Variants in RIT2 observed in about 807,000 individuals in gnomAD.
RIT2 encodes Ras like without CAAX 2, also known as GTP-binding protein Rit2.
RIT2 carries 24 observed loss-of-function variants against 23.7 expected under a neutral mutation model. That is an observed-to-expected ratio of 1.01 (90% confidence interval 0.73 to 1.43). RIT2 has a LOEUF of 1.43. Ranked by LOEUF, RIT2 falls within the 40% of genes most tolerant of loss-of-function variation. The pLI is 0.00. For missense variants in RIT2, 236 were observed against 266.9 expected (o/e 0.88, Z 0.81); for synonymous variants, 107 against 91.1 (o/e 1.17, Z -0.99).
chr18:42,850,038 C>T (rs921857678), intron 4 of RIT2, among the ~76,000 whole-genome samples: 75 of 150,810 alleles, frequency 5.0e-4, no homozygotes, highest in Middle Eastern at 3.4e-3. Context: ...TTTAAATATA[C>T]TAGAAAGTAT....
chr18:42,805,491 A>G (rs1416477212), intron 4 of RIT2, among the ~76,000 whole-genome samples: 10 of 152,216 alleles, frequency 6.6e-5, no homozygotes, highest in Non-Finnish European at 1.5e-4. Context: ...AATAAGCTCT[A>G]ATGTAGAATC....
At chr18:42,884,699 A>C (rs1371520944) in intron 4 of RIT2, among the ~76,000 whole-genome samples, 1 of 152,216 alleles carries the variant, frequency 6.6e-6, no homozygotes, top group Non-Finnish European at 1.5e-5. Flanking sequence ...TCAGTTGAGC[A>C]AAATGCTACC....
intron 3 of RIT2, among the ~76,000 whole-genome samples, chr18:42,965,037 C>G (rs762221558): frequency 1.3e-5 from 2 of 152,156 alleles, no homozygotes; most frequent in Non-Finnish European, 2.9e-5. Context: ...GACATTTTCT[C>G]TTAATCAACT....
intron 3 of RIT2, among the ~76,000 whole-genome samples, chr18:42,942,111 A>G (rs561485123): frequency 5.9e-5 from 9 of 152,232 alleles, no homozygotes; most frequent in Admixed American, 1.3e-4. Context: ...AGTAAAAAAA[A>G]AAAACAGTGA....
chr18:42,853,329 C>G (rs559776932), intron 4 of RIT2, among the ~76,000 whole-genome samples: 2 of 152,316 alleles, frequency 1.3e-5, no homozygotes, highest in South Asian at 4.1e-4. Flanking sequence ...ACAAGCTACG[C>G]TATACTTTTA....
At chr18:43,012,563 T>G (rs943316846) in intron 2 of RIT2, among the ~76,000 whole-genome samples, 1 of 151,706 alleles carries the variant, frequency 6.6e-6, no homozygotes. Flanking sequence ...CTTTTCTGAT[T>G]TTTAAGTGTT....
At chr18:42,978,309 T>G (rs556577514) in intron 2 of RIT2, among the ~76,000 whole-genome samples, 1 of 151,932 alleles carries the variant, frequency 6.6e-6, no homozygotes, top group African/African-American at 2.4e-5. Flanking sequence ...CACGGCTTTT[T>G]TTTTTTCTCT....
chr18:42,993,747 T>C (rs1175458315), intron 2 of RIT2, among the ~76,000 whole-genome samples: 1 of 152,040 alleles, frequency 6.6e-6, no homozygotes, highest in Non-Finnish European at 1.5e-5. Flanking sequence ...CATCCTCCCC[T>C]TGTATCTCCC....
At position 42,905,815 on chromosome 18, in the gene RIT2, G is replaced by A. The variant is rs191671074; in HGVS notation, c.426+17757C>T. On this transcript the variant is annotated intron_variant, in intron 4 of 4. Transcript: ENST00000326695. ...ATATTGGCTATATCTGCTCTAAAAG[G>A]ATCAGAATCTAGGATGTCGATAAAA... 6.3e-3 allele frequency among the ~76,000 whole-genome samples: 958 copies of A among 151,158 alleles called. 6 individuals are homozygous for A. The highest frequency in any genetic ancestry group is 0.022 in the African/African-American group (887 of 41,148).
chr18:42,851,307 T>G (rs1033394024), intron 4 of RIT2, among the ~76,000 whole-genome samples: 1 of 152,220 alleles, frequency 6.6e-6, no homozygotes, highest in Admixed American at 6.5e-5. Flanking sequence ...ATTTTGACAA[T>G]AAGCCAGTTG....
chr18:42,799,398 CA>C (rs1905462745), intron 4 of RIT2, among the ~76,000 whole-genome samples: 1 of 152,152 alleles, frequency 6.6e-6, no homozygotes, highest in Non-Finnish European at 1.5e-5. Flanking sequence ...TTTGAATGCC[CA>C]AATAAATAAC....
intron 1 of RIT2, among the ~76,000 whole-genome samples, chr18:43,094,517 C>A (rs1913504723): frequency 1.3e-5 from 2 of 151,786 alleles, no homozygotes; most frequent in African/African-American, 2.4e-5. Flanking sequence ...TTTTATGATA[C>A]AGAAAATGGC....
At chr18:42,994,471 A>G (rs570036885) in intron 2 of RIT2, among the ~76,000 whole-genome samples, 18 of 152,284 alleles carry the variant, frequency 1.2e-4, no homozygotes, top group Non-Finnish European at 2.2e-4. Context: ...TAACAAAACC[A>G]TCATATAAAC....
chr18:42,917,344 G>C (rs1908937231), intron 4 of RIT2, among the ~76,000 whole-genome samples: 1 of 152,084 alleles, frequency 6.6e-6, no homozygotes, highest in Admixed American at 6.6e-5. Flanking sequence ...ACACCCACTG[G>C]ATTGTGTGAT....
intron 4 of RIT2, among the ~76,000 whole-genome samples, chr18:42,895,500 T>G (rs1908303828): frequency 6.6e-6 from 1 of 152,170 alleles, no homozygotes. Context: ...TCTCCAAATT[T>G]GAATGTTTTG....
intron 2 of RIT2, among the ~76,000 whole-genome samples, chr18:43,033,030 A>G (rs1911894654): frequency 6.6e-6 from 1 of 152,182 alleles, no homozygotes. Context: ...CCAGTCAGCC[A>G]TGAGGCTATA....
intron 3 of RIT2, among the ~76,000 whole-genome samples, chr18:42,971,852 T>G (rs1910368616): frequency 6.6e-6 from 1 of 152,072 alleles, no homozygotes; most frequent in Non-Finnish European, 1.5e-5. Context: ...TTGTCTCATC[T>G]GCCTGCATTC....
At chr18:43,092,211 C>T (rs576845883) in intron 1 of RIT2, among the ~76,000 whole-genome samples, 2 of 152,208 alleles carry the variant, frequency 1.3e-5, no homozygotes, top group Admixed American at 6.6e-5. Context: ...CCCCAGGAAA[C>T]ATGCTTTTAG....
chr18:43,043,877 C>T (rs73479320), intron 1 of RIT2, among the ~76,000 whole-genome samples: 2,959 of 152,178 alleles, frequency 0.019, 104 homozygotes, highest in African/African-American at 0.068. Flanking sequence ...CTTTTATTTT[C>T]CCCTCAGCAC....
Sources: allele counts gnomAD v4.1 joint callset (sites outside exome capture counted in the v4.1 genomes callset), GRCh38; gene constraint gnomAD v4.1.1; transcripts MANE v1.5; gene names NCBI Gene and HGNC (gene_info 2026-07-23, HGNC 2026-07-21).